The following LRRTM3 variants were observed in gnomAD, a reference collection of about 807,000 sequenced individuals.
LRRTM3 encodes leucine-rich repeat transmembrane neuronal protein 3.
A neutral mutation model predicts 44.7 loss-of-function variants in LRRTM3; 24 were observed. That is an observed-to-expected ratio of 0.54 (90% confidence interval 0.39 to 0.76). LRRTM3 has a LOEUF of 0.76. Among genes scored for constraint, LRRTM3 ranks in the 30% least tolerant of loss-of-function variants. The pLI, the probability that LRRTM3 is intolerant of heterozygous loss-of-function variation, is 0.00. For synonymous variants in LRRTM3, 277 were observed against 278.7 expected, an observed-to-expected ratio of 0.99 and a Z score of 0.06; for missense variants, 587 against 702.2, an observed-to-expected ratio of 0.84 and a Z score of 1.85.
chr10:67,051,633 T>C (rs1589664539), intron 2 of LRRTM3, among the ~76,000 whole-genome samples: 1 of 152,064 alleles, frequency 6.6e-6, no homozygotes, highest in Non-Finnish European at 1.5e-5. Context: ...CTTGATCTTT[T>C]GACCTCATGA....
chr10:66,992,632 C>T (rs1851105185), intron 2 of LRRTM3, among the ~76,000 whole-genome samples: 1 of 151,866 alleles, frequency 6.6e-6, no homozygotes, highest in South Asian at 2.1e-4. Flanking sequence ...AATGTTTTAT[C>T]CCAGGGTTAT....
chr10:67,045,381 T>TA (rs567603379), intron 2 of LRRTM3, among the ~76,000 whole-genome samples: 113 of 152,252 alleles, frequency 7.4e-4, no homozygotes, highest in Middle Eastern at 3.4e-3. Context: ...CTCCATTTTT[T>TA]AAAAAAAATT....
intron 2 of LRRTM3, among the ~76,000 whole-genome samples, chr10:67,038,563 G>A (rs1854206775): frequency 6.6e-6 from 1 of 152,030 alleles, no homozygotes; most frequent in South Asian, 2.1e-4. Flanking sequence ...TAAAATCAGT[G>A]GAAGCTCAAT....
intron 2 of LRRTM3, among the ~76,000 whole-genome samples, chr10:67,062,765 T>G (rs1481210246): frequency 6.6e-6 from 1 of 152,178 alleles, no homozygotes; most frequent in Non-Finnish European, 1.5e-5. Context: ...AATTTGATTC[T>G]GCTAATGAGG....
At chr10:67,052,920 T>G (rs928669175) in intron 2 of LRRTM3, among the ~76,000 whole-genome samples, 3 of 152,228 alleles carry the variant, frequency 2.0e-5, no homozygotes, top group African/African-American at 7.2e-5. Context: ...ATAATAGTAC[T>G]CATTTGGCTC....
At chr10:66,938,929 C>G (rs575959223) in intron 2 of LRRTM3, among the ~76,000 whole-genome samples, 1 of 152,128 alleles carries the variant, frequency 6.6e-6, no homozygotes, top group Non-Finnish European at 1.5e-5. Context: ...GATCTCTCCC[C>G]GTCCACATCC....
rs75066044 is a variant in LRRTM3, at chr10:66,986,873, A to G, written c.1536+58421A>G. ...AACACCTACTATGGGATTACACTAG[A>G]CACTGTGAATACAGAAGTGCACCAA... On this transcript the variant is annotated intron_variant, in intron 2 of 2. Transcript: ENST00000361320. 9.8e-3 allele frequency among the ~76,000 whole-genome samples: 1,489 copies of G among 152,244 alleles called. 37 individuals are homozygous for G. Among genetic ancestry groups the G allele is most frequent in the African/African-American group, 0.034 (1,415 of 41,540 alleles).
At chr10:67,036,521 G>T (rs528858804) in intron 2 of LRRTM3, among the ~76,000 whole-genome samples, 1 of 151,958 alleles carries the variant, frequency 6.6e-6, no homozygotes, top group African/African-American at 2.4e-5. Context: ...AAACTTAGCC[G>T]GGCGTGGTGG....
intron 2 of LRRTM3, among the ~76,000 whole-genome samples, chr10:67,088,791 C>A (rs190202683): frequency 9.9e-4 from 151 of 152,134 alleles, no homozygotes; most frequent in Non-Finnish European, 1.7e-3. Flanking sequence ...TCGTTACAGA[C>A]ACTTGAAAAT....
intron 2 of LRRTM3, among the ~76,000 whole-genome samples, chr10:66,969,582 C>T (rs936990119): frequency 6.6e-6 from 1 of 152,094 alleles, no homozygotes; most frequent in Non-Finnish European, 1.5e-5. Flanking sequence ...CATAACACCA[C>T]ACTGTTTTCA....
intron 2 of LRRTM3, among the ~76,000 whole-genome samples, chr10:67,086,447 A>C (rs1857312744): frequency 6.6e-6 from 1 of 152,060 alleles, no homozygotes; most frequent in African/African-American, 2.4e-5. Flanking sequence ...GTAAGTAATC[A>C]TATCATTTGA....
chr10:67,066,811 C>T (rs1856120579), intron 2 of LRRTM3, among the ~76,000 whole-genome samples: 1 of 152,128 alleles, frequency 6.6e-6, no homozygotes, highest in African/African-American at 2.4e-5. Context: ...TCTAGCTTAC[C>T]ATCTAGCAGA....
chr10:67,076,629 C>T (rs1333404130), intron 2 of LRRTM3, among the ~76,000 whole-genome samples: 1 of 152,152 alleles, frequency 6.6e-6, no homozygotes, highest in Non-Finnish European at 1.5e-5. Flanking sequence ...TGTCATATTA[C>T]ATTCAAACCA....
At chr10:66,983,375 T>C (rs1465012620) in intron 2 of LRRTM3, among the ~76,000 whole-genome samples, 2 of 152,098 alleles carry the variant, frequency 1.3e-5, no homozygotes, top group Non-Finnish European at 2.9e-5. Context: ...CCCCAACTAA[T>C]GTGTCTGTGT....
At chr10:66,964,904 CTG>C (rs1238270652) in intron 2 of LRRTM3, among the ~76,000 whole-genome samples, 2 of 152,240 alleles carry the variant, frequency 1.3e-5, no homozygotes, top group Non-Finnish European at 1.5e-5. Context: ...TGTAAAAAAC[CTG>C]TGTTTAGAAA....
intron 2 of LRRTM3, among the ~76,000 whole-genome samples, chr10:66,979,546 T>C (rs1447151144): frequency 1.3e-5 from 2 of 152,154 alleles, no homozygotes; most frequent in African/African-American, 2.4e-5. Context: ...GCTTTGATAA[T>C]GACTCTGCCA....
chr10:67,094,032 A>T (rs982764234), intron 2 of LRRTM3, among the ~76,000 whole-genome samples: 5 of 151,998 alleles, frequency 3.3e-5, no homozygotes, highest in Admixed American at 3.3e-4. Context: ...TCCTACTCGA[A>T]TTAACTTATG....
At chr10:67,021,546 T>C (rs1232680171) in intron 2 of LRRTM3, among the ~76,000 whole-genome samples, 2 of 152,092 alleles carry the variant, frequency 1.3e-5, no homozygotes, top group African/African-American at 4.8e-5. Flanking sequence ...AAAAATTTGA[T>C]GGGTTGCTAT....
At chr10:67,019,007 G>A (rs1852827061) in intron 2 of LRRTM3, among the ~76,000 whole-genome samples, 1 of 152,156 alleles carries the variant, frequency 6.6e-6, no homozygotes, top group Non-Finnish European at 1.5e-5. Flanking sequence ...TATCTTGAGA[G>A]CAGGAATTAG....
Sources: allele counts gnomAD v4.1 joint callset (sites outside exome capture counted in the v4.1 genomes callset), GRCh38; gene constraint gnomAD v4.1.1; transcripts MANE v1.5; gene names NCBI Gene and HGNC (gene_info 2026-07-23, HGNC 2026-07-21).